The following SLIT3 variants were observed in gnomAD, a reference collection of about 807,000 sequenced individuals.
SLIT3 encodes slit homolog 3 protein.
Under a neutral mutation model 184.0 loss-of-function variants are expected in SLIT3, and 68 were observed. The observed-to-expected ratio is 0.37, with a 90% CI of 0.30 to 0.45. The LOEUF (loss-of-function observed/expected upper bound fraction) is 0.45, where lower values mean the gene tolerates loss of function less well. SLIT3 is among the 20% of genes least tolerant of loss of function. The pLI is 1.00. For missense variants in SLIT3, 1,707 were observed against 2,026.0 expected, an observed-to-expected ratio of 0.84 and a Z score of 3.02; for synonymous variants, 831 against 828.6, an observed-to-expected ratio of 1.00 and a Z score of -0.05.
At chr5:169,110,985 C>G (rs1391502790) in intron 4 of SLIT3, among the ~76,000 whole-genome samples, 1 of 152,200 alleles carries the variant, frequency 6.6e-6, no homozygotes, top group Non-Finnish European at 1.5e-5. Flanking sequence ...TGACCACCTA[C>G]TACTACCCCA....
intron 1 of SLIT3, among the ~76,000 whole-genome samples, chr5:169,255,441 G>C (rs1313358580): frequency 6.6e-6 from 1 of 151,890 alleles, no homozygotes; most frequent in Non-Finnish European, 1.5e-5. Flanking sequence ...GCGTGCTTGT[G>C]TCTTAGTTTT....
At chr5:169,241,640 C>G (rs998800823) in intron 3 of SLIT3, among the ~76,000 whole-genome samples, 1 of 152,206 alleles carries the variant, frequency 6.6e-6, no homozygotes, top group Non-Finnish European at 1.5e-5. Context: ...CAAGCACTTA[C>G]TGTCATGCCT....
chr5:169,237,018 C>A (rs1003760922), intron 3 of SLIT3, among the ~76,000 whole-genome samples: 2 of 152,144 alleles, frequency 1.3e-5, no homozygotes, highest in African/African-American at 4.8e-5. Context: ...TTCCAGTATA[C>A]GTGTACAGTG....
At chr5:169,202,806 C>G (rs2113491433) in intron 3 of SLIT3, among the ~76,000 whole-genome samples, 1 of 151,852 alleles carries the variant, frequency 6.6e-6, no homozygotes, top group East Asian at 1.9e-4. Context: ...CCACCCCTGC[C>G]CGCAACACAC....
At chr5:168,964,630 G>A (rs1443405394) in intron 4 of SLIT3, among the ~76,000 whole-genome samples, 1 of 152,220 alleles carries the variant, frequency 6.6e-6, no homozygotes, top group East Asian at 1.9e-4. Flanking sequence ...GTTAAACACA[G>A]TCAACCTTTC....
At chr5:168,766,622 G>A (rs549813137) in intron 14 of SLIT3, among the ~76,000 whole-genome samples, 11 of 152,238 alleles carry the variant, frequency 7.2e-5, no homozygotes, top group Non-Finnish European at 1.3e-4. Flanking sequence ...CCTCATCACA[G>A]CCTGTGGCTG....
intron 8 of SLIT3, among the ~76,000 whole-genome samples, chr5:168,809,227 G>A (rs1757086053): frequency 6.6e-6 from 1 of 152,120 alleles, no homozygotes; most frequent in Non-Finnish European, 1.5e-5. Flanking sequence ...AGTCCCTCTG[G>A]GAAGTGGCTG....
chr5:169,159,585 C>T (rs2113388459), intron 4 of SLIT3, among the ~76,000 whole-genome samples: 1 of 151,662 alleles, frequency 6.6e-6, no homozygotes, highest in Middle Eastern at 3.4e-3. Flanking sequence ...ACCACCCTGG[C>T]TAACATGGTG....
At chr5:169,044,590 G>C (rs537979014) in intron 4 of SLIT3, among the ~76,000 whole-genome samples, 15 of 150,198 alleles carry the variant, frequency 1.0e-4, no homozygotes, top group South Asian at 4.2e-4. Flanking sequence ...AGGAAGGTGG[G>C]GGGGGGGATG....
chr5:169,205,539 G>T (rs1764038419), intron 3 of SLIT3, among the ~76,000 whole-genome samples: 1 of 152,174 alleles, frequency 6.6e-6, no homozygotes, highest in Admixed American at 6.5e-5. Flanking sequence ...CTTGAGCCTG[G>T]CAACTAGTAG....
At chr5:168,746,660 T>G (rs1754442875) in intron 20 of SLIT3, among the ~76,000 whole-genome samples, 1 of 55,482 alleles carries the variant, frequency 1.8e-5, no homozygotes, top group African/African-American at 7.3e-5. Context: ...GTGTGTGGTG[T>G]GTGAGTGTGG....
intron 9 of SLIT3, among the ~76,000 whole-genome samples, chr5:168,797,298 C>T (rs1042030685): frequency 7.2e-5 from 11 of 152,204 alleles, no homozygotes; most frequent in Non-Finnish European, 8.8e-5. Context: ...CTCCATGGAT[C>T]TCTGGGGCTG....
intron 3 of SLIT3, among the ~76,000 whole-genome samples, chr5:169,205,542 A>G (rs1164519069): frequency 6.6e-6 from 1 of 152,228 alleles, no homozygotes; most frequent in Non-Finnish European, 1.5e-5. Context: ...GAGCCTGGCA[A>G]CTAGTAGGTG....
chr5:168,748,446 C>T lies in SLIT3; in HGVS notation c.2138-12G>A. ...ACTCTCCTCGTTGCCTGTGGAGAGC[C>T]CCAGAGAGGGTGAGGGTTGTGGGAG... is the stretch of plus-strand genomic sequence containing the variant. On this transcript the variant is annotated splice_polypyrimidine_tract_variant and intron_variant, in intron 19 of 35. Coordinates refer to ENST00000519560, the MANE Select transcript of SLIT3 (RefSeq NM_003062.4). 1 of 1,518,680 alleles carries T rather than the reference C, an allele frequency of 6.6e-7. No individual in the cohort carries two copies. Among genetic ancestry groups the T allele is most frequent in the South Asian group, 1.3e-5 (1 of 76,370 alleles). 94.1% of individuals were successfully genotyped at this position (1,518,680 alleles called of 1,614,324 possible).
intron 5 of SLIT3, among the ~76,000 whole-genome samples, chr5:168,873,387 T>G (rs1188425993): frequency 6.6e-6 from 1 of 151,548 alleles, no homozygotes; most frequent in African/African-American, 2.4e-5. Context: ...CCCAGCATTT[T>G]GGGAGGCTTA....
chr5:168,967,869 A>C (rs918814510), intron 4 of SLIT3, among the ~76,000 whole-genome samples: 4 of 152,110 alleles, frequency 2.6e-5, no homozygotes, highest in Non-Finnish European at 5.9e-5. Context: ...ACTTCCCACC[A>C]TGCAAGGCTG....
intron 4 of SLIT3, among the ~76,000 whole-genome samples, chr5:169,029,815 T>C (rs1756957060): frequency 6.6e-6 from 1 of 152,168 alleles, no homozygotes; most frequent in South Asian, 2.1e-4. Flanking sequence ...GAATACACAA[T>C]TCCAATGGAA....
At chr5:169,085,710 G>A (rs1759266924) in intron 4 of SLIT3, among the ~76,000 whole-genome samples, 1 of 152,194 alleles carries the variant, frequency 6.6e-6, no homozygotes, top group South Asian at 2.1e-4. Flanking sequence ...GTCTTAAAGG[G>A]ACCAGCCAGA....
In SLIT3 at chr5:168,935,060, C is replaced by A. The variant is rs1762109146; in HGVS notation, c.414-51724G>T. On this transcript the variant is annotated intron_variant, in intron 4 of 35. Transcript: ENST00000519560. ...GGCTGAGGCAGGAGAATTGTTTGAA[C>A]CCGGGAGGTGGAGGTTGTAGGGAGC... Among the ~76,000 whole-genome samples the A allele has an allele frequency of 2.7e-5, 4 of 149,988 alleles. No individual in the cohort carries two copies. In the South Asian group the frequency reaches 8.4e-4, roughly 32 times the overall value.
Sources: gnomAD v4.1 joint callset for allele counts (sites outside exome capture counted in the v4.1 genomes callset) on GRCh38, gnomAD v4.1.1 for gene constraint, MANE v1.5 for transcripts, NCBI Gene and HGNC (gene_info 2026-07-23, HGNC 2026-07-21) for gene names.